The following MACROD2 variants were observed in gnomAD, a reference collection of about 807,000 sequenced individuals.
The protein encoded by MACROD2 is ADP-ribose glycohydrolase MACROD2.
In MACROD2, 36 loss-of-function variants were observed where a neutral mutation model predicts 70.4. That is an observed-to-expected ratio of 0.51 (90% CI 0.39 to 0.68). The LOEUF (loss-of-function observed/expected upper bound fraction) is 0.68, where lower values mean the gene tolerates loss of function less well. Ranked by LOEUF, MACROD2 falls within the 30% of genes least tolerant of loss-of-function variation. The pLI, the probability that MACROD2 is intolerant of heterozygous loss-of-function variation, is 0.00. For synonymous variants in MACROD2, 172 were observed against 178.8 expected (o/e 0.96, Z 0.30); for missense variants, 496 against 538.4 (o/e 0.92, Z 0.78).
chr20:14,641,712 CTT>C (rs935774135), intron 4 of MACROD2, among the ~76,000 whole-genome samples: 2 of 152,114 alleles, frequency 1.3e-5, no homozygotes, highest in Non-Finnish European at 2.9e-5. Flanking sequence ...TGAAAAAAAT[CTT>C]TTTTTCTGAG....
intron 15 of MACROD2, among the ~76,000 whole-genome samples, chr20:15,994,959 T>C: frequency 6.6e-6 from 1 of 152,164 alleles, no homozygotes; most frequent in African/African-American, 2.4e-5. Context: ...GTACTTTATA[T>C]TAGGAAATAT....
chr20:14,739,223 A>G (rs1450962337), intron 5 of MACROD2, among the ~76,000 whole-genome samples: 1 of 152,080 alleles, frequency 6.6e-6, no homozygotes, highest in African/African-American at 2.4e-5. Flanking sequence ...ATGAGAAATT[A>G]TGATACAAAT....
intron 5 of MACROD2, among the ~76,000 whole-genome samples, chr20:15,218,220 C>T (rs189874093): frequency 9.2e-5 from 14 of 152,272 alleles, no homozygotes; most frequent in African/African-American, 3.4e-4. Flanking sequence ...ATTCTATTTC[C>T]ATTCTATTTC....
At chr20:15,077,113 T>G (rs1209026187) in intron 5 of MACROD2, among the ~76,000 whole-genome samples, 5 of 152,322 alleles carry the variant, frequency 3.3e-5, no homozygotes, top group African/African-American at 9.6e-5. Flanking sequence ...GTAAGAAATT[T>G]ACACAAAACA....
At chr20:14,863,841 C>G (rs1176910585) in intron 5 of MACROD2, among the ~76,000 whole-genome samples, 3 of 152,044 alleles carry the variant, frequency 2.0e-5, no homozygotes, top group African/African-American at 7.2e-5. Flanking sequence ...TAGAAAGCGG[C>G]CAAGCCAGGA....
intron 3 of MACROD2, among the ~76,000 whole-genome samples, chr20:14,148,362 C>A (rs2054968853): frequency 6.6e-6 from 1 of 152,172 alleles, no homozygotes; most frequent in South Asian, 2.1e-4. Context: ...TTTGTGATAT[C>A]TTACCATATT....
At chr20:15,275,050 TG>T (rs552482860) in intron 6 of MACROD2, among the ~76,000 whole-genome samples, 2 of 151,336 alleles carry the variant, frequency 1.3e-5, no homozygotes, top group Non-Finnish European at 2.9e-5. Flanking sequence ...CTGGGGTGAC[TG>T]GGGGTGGGGG....
At chr20:15,444,063 TG>T (rs1327174648) in intron 7 of MACROD2, among the ~76,000 whole-genome samples, 4 of 152,176 alleles carry the variant, frequency 2.6e-5, no homozygotes, top group African/African-American at 9.6e-5. Context: ...CCACATTAGC[TG>T]TCACTCCGTC....
intron 6 of MACROD2, among the ~76,000 whole-genome samples, chr20:15,240,756 G>A (rs2077053957): frequency 6.6e-6 from 1 of 152,150 alleles, no homozygotes; most frequent in African/African-American, 2.4e-5. Context: ...ACTTAAATGA[G>A]TTGATAAGGA....
chr20:15,161,187 T>C (rs1247004203), intron 5 of MACROD2, among the ~76,000 whole-genome samples: 3 of 151,938 alleles, frequency 2.0e-5, no homozygotes, highest in Non-Finnish European at 4.4e-5. Flanking sequence ...GTAACAAGAA[T>C]TAAATTAGAT....
In MACROD2 at chr20:15,689,311, A is replaced by G. The variant is rs111790185; in HGVS notation, c.646-173434A>G. On this transcript the variant is annotated intron_variant, in intron 8 of 17. Coordinates refer to ENST00000684519, the MANE Select transcript of MACROD2 (RefSeq NM_001351661.2). ...AAGATTGAGATTCCGTCTCAAAAAAAAAAAAAGATAGATTGGGCCCTGCTC... is the reference window on the plus strand; with the variant it reads ...AAGATTGAGATTCCGTCTCAAAAAAGAAAAAAGATAGATTGGGCCCTGCTC... 5.3e-4 allele frequency among the ~76,000 whole-genome samples: 81 copies of G among 152,216 alleles called. 2 individuals carry two copies. Among genetic ancestry groups the G allele is most frequent in the African/African-American group, 1.7e-3 (69 of 41,528 alleles).
At chr20:14,681,936 A>T (rs946177962) in intron 4 of MACROD2, among the ~76,000 whole-genome samples, 2 of 152,154 alleles carry the variant, frequency 1.3e-5, no homozygotes, top group Non-Finnish European at 2.9e-5. Flanking sequence ...CTAAGATCCT[A>T]GGAAATGGAG....
chr20:15,213,623 G>A (rs1463348767), intron 5 of MACROD2, among the ~76,000 whole-genome samples: 1 of 152,136 alleles, frequency 6.6e-6, no homozygotes, highest in African/African-American at 2.4e-5. Context: ...TGGGTAAGTT[G>A]CTAAGTACAG....
At chr20:14,332,346 G>C (rs1215308975) in intron 3 of MACROD2, among the ~76,000 whole-genome samples, 1 of 152,042 alleles carries the variant, frequency 6.6e-6, no homozygotes, top group Admixed American at 6.6e-5. Flanking sequence ...TAGAAAACTA[G>C]TATTTAAATA....
intron 3 of MACROD2, among the ~76,000 whole-genome samples, chr20:14,236,492 A>C (rs1322709383): frequency 9.9e-5 from 15 of 152,134 alleles, no homozygotes. Context: ...AAGCAAAAAA[A>C]ACTACATCTG....
At chr20:15,036,563 A>C (rs924787454) in intron 5 of MACROD2, among the ~76,000 whole-genome samples, 5 of 152,162 alleles carry the variant, frequency 3.3e-5, no homozygotes, top group African/African-American at 1.2e-4. Flanking sequence ...CATCAATCAT[A>C]ATCACGCACT....
At chr20:15,965,376 A>C (rs887024975) in intron 12 of MACROD2, among the ~76,000 whole-genome samples, 1 of 152,184 alleles carries the variant, frequency 6.6e-6, no homozygotes, top group African/African-American at 2.4e-5. Flanking sequence ...GTGACTCATT[A>C]GATCATAAAC....
chr20:14,044,337 CA>C (rs2053436392), intron 2 of MACROD2, among the ~76,000 whole-genome samples: 1 of 152,096 alleles, frequency 6.6e-6, no homozygotes, highest in African/African-American at 2.4e-5. Context: ...CTTATAAAGG[CA>C]GTGTGGACCC....
chr20:14,844,427 G>T (rs749203657), intron 5 of MACROD2, among the ~76,000 whole-genome samples: 2 of 151,886 alleles, frequency 1.3e-5, no homozygotes, highest in Admixed American at 6.6e-5. Flanking sequence ...TGAGACGGGA[G>T]AATCGCTTGA....
Sources: allele counts gnomAD v4.1 joint callset (sites outside exome capture counted in the v4.1 genomes callset), GRCh38; gene constraint gnomAD v4.1.1; transcripts MANE v1.5; gene names NCBI Gene and HGNC (gene_info 2026-07-23, HGNC 2026-07-21).